The following B4GALT5 variants were observed in gnomAD, a reference collection of about 807,000 sequenced individuals.
B4GALT5 encodes UDP-Gal:beta-GlcNAc beta-1,4-galactosyltransferase 5.
A neutral mutation model predicts 45.0 loss-of-function variants in B4GALT5; 11 were observed. The observed-to-expected ratio is 0.24, with a 90% CI of 0.15 to 0.40. The LOEUF is 0.40. Ranked by LOEUF, B4GALT5 falls within the 10% of genes least tolerant of loss-of-function variation. B4GALT5 has a pLI of 1.00. For missense variants in B4GALT5, 337 were observed against 500.2 expected, an observed-to-expected ratio of 0.67 and a Z score of 3.11; for synonymous variants, 185 against 182.9, an observed-to-expected ratio of 1.01 and a Z score of -0.09.
At chr20:49,681,545 T>A (rs1349165030) in intron 1 of B4GALT5, among the ~76,000 whole-genome samples, 1 of 152,172 alleles carries the variant, frequency 6.6e-6, no homozygotes, top group Non-Finnish European at 1.5e-5. Flanking sequence ...GAGCCCTGAC[T>A]TCTGCACTGA....
chr20:49,705,969 C>A (rs2085882046), intron 1 of B4GALT5, among the ~76,000 whole-genome samples: 1 of 149,916 alleles, frequency 6.7e-6, no homozygotes, highest in African/African-American at 2.5e-5. Context: ...CACCTGAGGT[C>A]TGGAGTTAGA....
chr20:49,649,925 A>C (rs776646662), intron 2 of B4GALT5, among the ~76,000 whole-genome samples: 1 of 152,238 alleles, frequency 6.6e-6, no homozygotes, highest in Non-Finnish European at 1.5e-5. Flanking sequence ...TGAAATTCCC[A>C]AAAGTATTAC....
intron 1 of B4GALT5, among the ~76,000 whole-genome samples, chr20:49,674,986 T>C (rs573171333): frequency 6.6e-6 from 1 of 152,178 alleles, no homozygotes; most frequent in African/African-American, 2.4e-5. Context: ...ACTGGCTAGG[T>C]GCAAAGACAC....
In B4GALT5 at chr20:49,640,565, T is replaced by C. The variant is rs1193281932; in HGVS notation, c.707A>G (p.Asp236Gly). Residue 236 changes from aspartate (D) to glycine (G), a missense_variant, in exon 6 of 9, where the codon GAT (aspartate) becomes GGT (glycine). By Grantham distance (94) the Asp-to-Gly change is moderately conservative (BLOSUM62 -1). This residue lies in a region of B4GALT5 where 163 missense variants were observed against 292.8 expected (regional missense o/e 0.56). Transcript: ENST00000371711. ...DWDCLIFHDV[D>G]HIPESDRNYY... ...GTTGCGATCACTTTCCGGTATGTGATCTACATCATGAAAAATCAAACAGTC... is the reference window on the plus strand; with the variant it reads ...GTTGCGATCACTTTCCGGTATGTGACCTACATCATGAAAAATCAAACAGTC... 1 of 1,613,928 alleles carries C rather than the reference T, an allele frequency of 6.2e-7. No individual in the cohort carries two copies. Among genetic ancestry groups the C allele is most frequent in the Non-Finnish European group, 8.5e-7 (1 of 1,180,012 alleles).
intron 1 of B4GALT5, among the ~76,000 whole-genome samples, chr20:49,671,719 C>T (rs950494434): frequency 3.9e-5 from 6 of 152,252 alleles, no homozygotes; most frequent in Non-Finnish European, 5.9e-5. Flanking sequence ...ACTGCAGTAA[C>T]CAAATCTGTT....
intron 1 of B4GALT5, among the ~76,000 whole-genome samples, chr20:49,685,712 G>A (rs557972649): frequency 1.1e-4 from 16 of 152,256 alleles, no homozygotes; most frequent in Admixed American, 2.6e-4. Context: ...ACAATAGGTA[G>A]AAAAGTAGAA....
At chr20:49,695,992 C>T (rs1186828590) in intron 1 of B4GALT5, among the ~76,000 whole-genome samples, 1 of 152,202 alleles carries the variant, frequency 6.6e-6, no homozygotes. Flanking sequence ...GAGAATGCCA[C>T]ACAAATTAAC....
chr20:49,648,763 G>A (rs1312604111), intron 2 of B4GALT5, among the ~76,000 whole-genome samples: 1 of 152,168 alleles, frequency 6.6e-6, no homozygotes, highest in East Asian at 1.9e-4. Context: ...TGTAGAGTAG[G>A]AGGAGGGTCC....
At chr20:49,658,240 G>A (rs2085651285) in intron 1 of B4GALT5, among the ~76,000 whole-genome samples, 1 of 152,194 alleles carries the variant, frequency 6.6e-6, no homozygotes, top group African/African-American at 2.4e-5. Context: ...ATAACTGTGT[G>A]AAGTCTCTGA....
chr20:49,682,716 T>A (rs1568728915), intron 1 of B4GALT5, among the ~76,000 whole-genome samples: 1 of 152,184 alleles, frequency 6.6e-6, no homozygotes, highest in East Asian at 1.9e-4. Context: ...CACACAAGTT[T>A]GCCTACCACA....
intron 1 of B4GALT5, among the ~76,000 whole-genome samples, chr20:49,712,497 G>A (rs915711214): frequency 6.6e-6 from 1 of 152,084 alleles, no homozygotes; most frequent in Non-Finnish European, 1.5e-5. Flanking sequence ...TTTCTCCAGA[G>A]ACCGCCTTTC....
chr20:49,645,140 G>A (rs1049244781), intron 3 of B4GALT5, among the ~76,000 whole-genome samples: 1 of 152,216 alleles, frequency 6.6e-6, no homozygotes, highest in Non-Finnish European at 1.5e-5. Flanking sequence ...TTCTCAGGAG[G>A]CTGAGGCAGG....
In B4GALT5 at chr20:49,657,569, T is replaced by C. The variant is rs115287129; in HGVS notation, c.116-867A>G. Among the ~76,000 whole-genome samples, 317 of 152,336 alleles carry C rather than the reference T, an allele frequency of 2.1e-3. 2 individuals are homozygous for C. The highest frequency in any genetic ancestry group is 7.5e-3 in the African/African-American group (310 of 41,578). On this transcript the variant is annotated intron_variant, in intron 1 of 8. Coordinates refer to ENST00000371711, the MANE Select transcript of B4GALT5 (RefSeq NM_004776.4). ...AACATAGTTTCTTAACCAGTCACTC[T>C]AATTCCCTCAAATTGCCTTTGTCAT...
At chr20:49,691,085 G>C (rs1462855068) in intron 1 of B4GALT5, among the ~76,000 whole-genome samples, 4 of 152,134 alleles carry the variant, frequency 2.6e-5, no homozygotes, top group Non-Finnish European at 4.4e-5. Flanking sequence ...GATCAACCGG[G>C]TGTTTGCTGA....
intron 1 of B4GALT5, among the ~76,000 whole-genome samples, chr20:49,660,497 T>TAATC (rs1275541503): frequency 6.6e-6 from 1 of 152,224 alleles, no homozygotes; most frequent in African/African-American, 2.4e-5. Context: ...CATGGTTAGG[T>TAATC]AATCAATCAA....
intron 1 of B4GALT5, among the ~76,000 whole-genome samples, chr20:49,690,289 A>G (rs2085804821): frequency 6.6e-6 from 1 of 152,222 alleles, no homozygotes; most frequent in Non-Finnish European, 1.5e-5. Flanking sequence ...TACAGGCATG[A>G]GCCATCATGC....
rs964546556 is a variant in B4GALT5 at position 49,713,557 on chromosome 20, T to C, written c.115+19A>G. The C allele has an allele frequency of 2.6e-6, 4 of 1,551,348 alleles. No homozygotes were observed. The Admixed American group carries it at 5.9e-5, about 23-fold the overall frequency. On this transcript the variant is annotated intron_variant, in intron 1 of 8. Coordinates refer to ENST00000371711, the MANE Select transcript of B4GALT5 (RefSeq NM_004776.4). ...AAGGCCAGAGCGGCAGCCGCCGCGG[T>C]CCCAAGCCCCCTTCCTACCTATGCC...
intron 1 of B4GALT5, among the ~76,000 whole-genome samples, chr20:49,686,115 C>T (rs1016234): frequency 0.78 from 118,673 of 152,066 alleles, 46,427 homozygotes; most frequent in Middle Eastern, 0.88. Context: ...GGAAAATGTC[C>T]GCAGAATAAG....
intron 1 of B4GALT5, among the ~76,000 whole-genome samples, chr20:49,663,379 T>C (rs548311142): frequency 2.6e-5 from 4 of 151,956 alleles, no homozygotes; most frequent in South Asian, 2.1e-4. Context: ...AACCCATGAA[T>C]TGACTTCCAA....
Sources: gnomAD v4.1 joint callset for allele counts (sites outside exome capture counted in the v4.1 genomes callset) on GRCh38, gnomAD v4.1.1 for gene constraint, gnomAD v4.1.1 regional missense constraint, MANE v1.5 for transcripts, NCBI Gene and HGNC (gene_info 2026-07-23, HGNC 2026-07-21) for gene names.